The following UBE2E2 variants were observed in gnomAD, a reference collection of about 807,000 sequenced individuals.
UBE2E2 encodes the protein ubiquitin-conjugating enzyme E2 E2.
In UBE2E2, 6 loss-of-function variants were observed where a neutral mutation model predicts 24.7. The ratio of observed to expected loss-of-function variants is 0.24; its 90% CI spans 0.13 to 0.48. The LOEUF is 0.48. Among genes scored for constraint, UBE2E2 ranks in the 20% least tolerant of loss-of-function variants. The probability of loss-of-function intolerance (pLI) is 0.99; values close to 1 mark genes in which losing one functional copy is unlikely to be tolerated. For synonymous variants in UBE2E2, 104 were observed against 83.6 expected (o/e 1.24, Z -1.33); for missense variants, 169 against 245.0 (o/e 0.69, Z 2.07).
rs576308394 is a variant in UBE2E2, at chr3:23,304,198, G to GT, written c.227+86887dup. ...TTTTGACCGTGGGCAGGTCAAAGACGTAAGTGTGGTGAAATTATAGCAGAA... is the reference window on the plus strand; with the variant it reads ...TTTTGACCGTGGGCAGGTCAAAGACGTTAAGTGTGGTGAAATTATAGCAGAA... On this transcript the variant is annotated intron_variant, in intron 3 of 5. Coordinates refer to ENST00000396703, the MANE Select transcript of UBE2E2 (RefSeq NM_152653.4). Among the ~76,000 whole-genome samples the GT allele has an allele frequency of 2.1e-4, 32 of 152,268 alleles. 2 individuals carry two copies. The South Asian group carries it at 6.6e-3, about 32-fold the overall frequency.
intron 3 of UBE2E2, among the ~76,000 whole-genome samples, chr3:23,406,727 G>T (rs1315530055): frequency 6.6e-6 from 1 of 152,136 alleles, no homozygotes; most frequent in Non-Finnish European, 1.5e-5. Context: ...TTGACTGTAA[G>T]GAAGATGGAA....
intron 2 of UBE2E2, 94 bp downstream of exon 2, chr3:23,208,969 T>G: frequency 1.5e-6 from 2 of 1,317,080 alleles, no homozygotes; most frequent in South Asian, 1.6e-5. Flanking sequence ...TTCTGGGATG[T>G]CGGCCGTGAA....
chr3:23,268,139 C>T (rs1276866823), intron 3 of UBE2E2, among the ~76,000 whole-genome samples: 3 of 151,218 alleles, frequency 2.0e-5, no homozygotes, highest in African/African-American at 7.3e-5. Flanking sequence ...CCTTTGAGAA[C>T]TGGCACAAGA....
At chr3:23,495,532 C>T (rs1235563889) in intron 3 of UBE2E2, among the ~76,000 whole-genome samples, 1 of 152,124 alleles carries the variant, frequency 6.6e-6, no homozygotes, top group East Asian at 1.9e-4. Context: ...ATACGCTCAC[C>T]TGTGTGTACT....
At chr3:23,241,172 C>G (rs529050167) in intron 3 of UBE2E2, among the ~76,000 whole-genome samples, 1 of 152,296 alleles carries the variant, frequency 6.6e-6, no homozygotes, top group East Asian at 1.9e-4. Flanking sequence ...TTTTCTCTCT[C>G]ACTCTACGTT....
At chr3:23,351,883 C>T (rs1168733492) in intron 3 of UBE2E2, among the ~76,000 whole-genome samples, 1 of 152,164 alleles carries the variant, frequency 6.6e-6, no homozygotes, top group Non-Finnish European at 1.5e-5. Flanking sequence ...ACCAAGCGAC[C>T]TAATAGACAT....
At chr3:23,485,870 G>A (rs1008652392) in intron 3 of UBE2E2, among the ~76,000 whole-genome samples, 1 of 152,212 alleles carries the variant, frequency 6.6e-6, no homozygotes. Context: ...AGCCTTTAAA[G>A]AGAAACTCTT....
In UBE2E2 at chr3:23,316,753, G is replaced by A. The variant is rs555080402; in HGVS notation, c.227+99441G>A. Among the ~76,000 whole-genome samples the A allele has an allele frequency of 2.4e-4, 37 of 152,054 alleles. 1 individual carries two copies. In the South Asian group the frequency reaches 6.2e-3, roughly 26 times the overall value. ...CCTCAGAGTCTCGCTCAAGGCCCAC[G>A]GCATGTACTACCTTGGCTACTGCTG... On this transcript the variant is annotated intron_variant, in intron 3 of 5. Transcript: ENST00000396703.
intron 3 of UBE2E2, among the ~76,000 whole-genome samples, chr3:23,479,537 G>A (rs910344595): frequency 2.6e-5 from 4 of 152,136 alleles, no homozygotes; most frequent in Non-Finnish European, 5.9e-5. Flanking sequence ...GGTGAGTTGG[G>A]GGGTAGGGGG....
chr3:23,263,665 AT>A (rs1697963295), intron 3 of UBE2E2, among the ~76,000 whole-genome samples: 1 of 152,196 alleles, frequency 6.6e-6, no homozygotes, highest in Non-Finnish European at 1.5e-5. Context: ...GCCCTGCTTA[AT>A]TTTAAGGAGT....
chr3:23,582,894 T>G (rs762774403), intron 5 of UBE2E2, among the ~76,000 whole-genome samples: 15 of 112,876 alleles, frequency 1.3e-4, no homozygotes, highest in Non-Finnish European at 2.2e-4. Context: ...TGTGTGTGTG[T>G]TGTGTGTTTG....
At chr3:23,286,968 G>A (rs1281886205) in intron 3 of UBE2E2, among the ~76,000 whole-genome samples, 3 of 152,020 alleles carry the variant, frequency 2.0e-5, no homozygotes, top group Non-Finnish European at 4.4e-5. Flanking sequence ...ATATGGAGAT[G>A]CTTTTATAGT....
chr3:23,408,141 C>T (rs913412278), intron 3 of UBE2E2, among the ~76,000 whole-genome samples: 2 of 151,914 alleles, frequency 1.3e-5, no homozygotes, highest in Non-Finnish European at 2.9e-5. Context: ...TAAGCCAAAG[C>T]CATTTAGATA....
At chr3:23,319,074 T>C (rs1694670349) in intron 3 of UBE2E2, among the ~76,000 whole-genome samples, 1 of 152,242 alleles carries the variant, frequency 6.6e-6, no homozygotes, top group Admixed American at 6.5e-5. Context: ...CTTTTACTTT[T>C]ACTTTATAGG....
chr3:23,239,222 A>G (rs1391879280), intron 3 of UBE2E2, among the ~76,000 whole-genome samples: 3 of 152,144 alleles, frequency 2.0e-5, no homozygotes, highest in Non-Finnish European at 4.4e-5. Context: ...TATCGAGGTA[A>G]TAGGACTCTT....
At chr3:23,293,655 T>C (rs988116142) in intron 3 of UBE2E2, among the ~76,000 whole-genome samples, 1 of 152,220 alleles carries the variant, frequency 6.6e-6, no homozygotes, top group African/African-American at 2.4e-5. Context: ...TGAGCTATTA[T>C]TAAAATCATA....
chr3:23,545,645 A>G (rs1314606457), intron 5 of UBE2E2, among the ~76,000 whole-genome samples: 1 of 152,186 alleles, frequency 6.6e-6, no homozygotes, highest in African/African-American at 2.4e-5. Context: ...ATTCAATCCA[A>G]CAATCCTACT....
intron 3 of UBE2E2, among the ~76,000 whole-genome samples, chr3:23,275,857 A>G (rs1289468502): frequency 1.3e-5 from 2 of 152,044 alleles, no homozygotes; most frequent in Non-Finnish European, 2.9e-5. Flanking sequence ...GAAATAGAAT[A>G]TATGTTGCCC....
intron 3 of UBE2E2, among the ~76,000 whole-genome samples, chr3:23,434,993 G>T (rs1698150446): frequency 6.6e-6 from 1 of 152,328 alleles, no homozygotes; most frequent in South Asian, 2.1e-4. Flanking sequence ...CTGGAAAGCA[G>T]TCTTGGTTTC....
Sources: gnomAD v4.1 joint callset for allele counts (sites outside exome capture counted in the v4.1 genomes callset) on GRCh38, gnomAD v4.1.1 for gene constraint, MANE v1.5 for transcripts, NCBI Gene and HGNC (gene_info 2026-07-23, HGNC 2026-07-21) for gene names.